Variants in MGRN1 observed in about 807,000 individuals in gnomAD.
The protein encoded by MGRN1 is mahogunin ring finger 1.
A neutral mutation model predicts 69.2 loss-of-function variants in MGRN1; 29 were observed. That is an observed-to-expected ratio of 0.42 (90% CI 0.31 to 0.57). The LOEUF is 0.57. Ranked by LOEUF, MGRN1 falls within the 20% of genes least tolerant of loss-of-function variation. MGRN1 has a pLI of 0.15. For missense variants in MGRN1, 998 were observed against 796.2 expected (o/e 1.25, Z -3.05); for synonymous variants, 470 against 344.2 (o/e 1.37, Z -4.04).
intron 5 of MGRN1, among the ~76,000 whole-genome samples, chr16:4,663,629 T>C (rs1596297334): frequency 6.6e-6 from 1 of 152,154 alleles, no homozygotes; most frequent in African/African-American, 2.4e-5. Context: ...CCCTGCCCTC[T>C]ATGGAGGGAG....
chr16:4,686,484 G>C, intron 16 of MGRN1: 1 of 1,387,650 alleles, frequency 7.2e-7, no homozygotes, highest in Non-Finnish European at 9.3e-7. Flanking sequence ...CCTTCCCCCA[G>C]AAAGTGGCCT....
At chr16:4,664,806 G>A (rs758310230) in intron 6 of MGRN1, 31 bp downstream of exon 6, 26 of 1,610,134 alleles carry the variant, frequency 1.6e-5, no homozygotes, top group Middle Eastern at 3.3e-4. Flanking sequence ...CCTCCTGGGC[G>A]TGCAGGCCGT....
In MGRN1 at chr16:4,681,747, G is replaced by C; in HGVS notation, c.1329G>C (p.Lys443Asn). The change falls in exon 13 of 17, where the codon AAG becomes AAC. Residue 443 changes from lysine (K) to asparagine (N), a missense_variant. Transcript: ENST00000262370. ...ACATCCTGGACAGCAGCCGCCAGAAGGGCAGGCCGCAGAGCAAGGCCCCCG... is the reference window on the plus strand; with the variant it reads ...ACATCCTGGACAGCAGCCGCCAGAACGGCAGGCCGCAGAGCAAGGCCCCCG... ...IDHILDSSRQKGRPQSKAPDS... is the reference protein window; with the variant it reads ...IDHILDSSRQNGRPQSKAPDS... 1 of 1,612,584 alleles carries C rather than the reference G, an allele frequency of 6.2e-7. No homozygotes were observed. Among genetic ancestry groups the C allele is most frequent in the Non-Finnish European group, 8.5e-7 (1 of 1,179,748 alleles).
chr16:4,690,378 A>T lies in MGRN1; in HGVS notation c.*1470A>T, dbSNP rs971837885. ...GGCTGCCCTGCAGCTGGGCCTGGGG[A>T]CAGGTCGGCTGTGGGGCAGCTCAGT... On this transcript the variant is annotated 3_prime_UTR_variant, in exon 17 of 17. Transcript: ENST00000262370. 9.9e-5 allele frequency: 15 copies of T among 151,782 alleles called. No individual in the cohort carries two copies. The highest frequency in any genetic ancestry group is 3.6e-4 in the African/African-American group (15 of 41,338). The allele number at this position is 151,782 out of a possible 1,614,324, so 9.4% of individuals were successfully genotyped here. A position where few individuals can be genotyped will look rare whatever the true frequency, so the allele number is the denominator to read the frequency against.
chr16:4,646,791 C>T (rs984575766), intron 1 of MGRN1, among the ~76,000 whole-genome samples: 5 of 152,204 alleles, frequency 3.3e-5, no homozygotes, highest in South Asian at 2.1e-4. Context: ...CTGCCTACAG[C>T]GGGGGCTTCT....
intron 10 of MGRN1, among the ~76,000 whole-genome samples, chr16:4,674,729 T>C (rs1403548690): frequency 8.3e-4 from 112 of 135,414 alleles, no homozygotes; most frequent in South Asian, 2.9e-3. Context: ...CAAGCTCCGC[T>C]TCCCGGGTTC....
At chr16:4,664,961 G>C in intron 6 of MGRN1, 141 bp from the exon 7 acceptor site, 1 of 1,169,966 alleles carries the variant, frequency 8.5e-7, no homozygotes, top group South Asian at 1.3e-5. Context: ...CAGGAGGGCA[G>C]GTCCCAGAAC....
chr16:4,680,079 GA>G lies in MGRN1; in HGVS notation c.1116del (p.Lys372AsnfsTer126), dbSNP rs756597420. ...KPHPASLASKKPKRETNSDSV... is the reference protein window; with the variant it reads ...KPHPASLASKXPKRETNSDSV... ...CGCACCCCGCCTCCCTGGCCAGCAA[GA>G]AACCTAAAAGGGAAACAGTAAGTGT... is the stretch of plus-strand genomic sequence containing the variant. On this transcript the variant is annotated frameshift_variant, in exon 12 of 17. Transcript: ENST00000262370. LOFTEE classifies it high-confidence loss of function. The G allele has an allele frequency of 6.2e-7, 1 of 1,614,088 alleles. No individual in the cohort carries two copies. Among genetic ancestry groups the G allele is most frequent in the Admixed American group, 1.7e-5 (1 of 60,016 alleles).
At position 4,657,332 on chromosome 16, in the gene MGRN1, A is replaced by G; in HGVS notation, c.530A>G (p.Lys177Arg). ...CAGCAGTTCTCCCTGCCCTCCTTCAAGATTGACTTCTCGGAATGGAAGGAT... is the reference window on the plus strand; with the variant it reads ...CAGCAGTTCTCCCTGCCCTCCTTCAGGATTGACTTCTCGGAATGGAAGGAT... Reference protein sequence around the residue: ...VSQQFSLPSFKIDFSEWKDDE... With the variant: ...VSQQFSLPSFRIDFSEWKDDE... Residue 177 changes from lysine to arginine, a missense_variant, in exon 5 of 17, where the codon AAG becomes AGG. Transcript: ENST00000262370. 1 of 1,614,126 alleles carries G rather than the reference A, an allele frequency of 6.2e-7. No homozygotes were observed. Among genetic ancestry groups the G allele is most frequent in the South Asian group, 1.1e-5 (1 of 91,084 alleles).
At chr16:4,659,745 G>A (rs1190410278) in intron 5 of MGRN1, among the ~76,000 whole-genome samples, 3 of 152,268 alleles carry the variant, frequency 2.0e-5, no homozygotes, top group African/African-American at 7.2e-5. Flanking sequence ...GTGGATGCAA[G>A]TGACAGAAAA....
chr16:4,681,023 G>T (rs1049727588), intron 12 of MGRN1, among the ~76,000 whole-genome samples: 3 of 152,210 alleles, frequency 2.0e-5, no homozygotes, highest in African/African-American at 7.2e-5. Flanking sequence ...TGTTGATTCT[G>T]TCTGCTCCCA....
At chr16:4,633,869 C>T (rs1213571955) in intron 1 of MGRN1, 2 of 152,008 alleles carry the variant, frequency 1.3e-5, no homozygotes, top group African/African-American at 4.8e-5. Flanking sequence ...AGGCGCCCGC[C>T]ACCGCGCCCG....
intron 9 of MGRN1, 85 bp downstream of exon 9, chr16:4,671,544 T>C: frequency 8.0e-7 from 1 of 1,255,304 alleles, no homozygotes; most frequent in Non-Finnish European, 1.2e-6. Context: ...GCCGGTTCCC[T>C]TCCATGCCTT....
At chr16:4,656,302 A>G (rs1659511) in intron 4 of MGRN1, among the ~76,000 whole-genome samples, 63,612 of 152,120 alleles carry the variant, frequency 0.42, 14,096 homozygotes, top group East Asian at 0.77. Flanking sequence ...GGTGTCCCCC[A>G]GGGGCCCTGA....
chr16:4,681,283 G>A (rs2079176786), intron 12 of MGRN1: 1 of 493,018 alleles, frequency 2.0e-6, no homozygotes, highest in Non-Finnish European at 3.6e-6. Flanking sequence ...GGCTGGTTGA[G>A]GCCAGGGCTG....
At chr16:4,667,189 C>T (rs990050597) in intron 7 of MGRN1, among the ~76,000 whole-genome samples, 1 of 152,346 alleles carries the variant, frequency 6.6e-6, no homozygotes, top group Non-Finnish European at 1.5e-5. Context: ...ACCTCCAGCC[C>T]CATGTGCAGC....
At position 4,650,400 on chromosome 16, in the gene MGRN1, G is replaced by C. The variant is rs1185795986; in HGVS notation, c.124G>C (p.Glu42Gln). 6.2e-7 allele frequency: 1 copy of C among 1,613,696 alleles called. No individual in the cohort carries two copies. Among genetic ancestry groups the C allele is most frequent in the Non-Finnish European group, 8.5e-7 (1 of 1,179,836 alleles). ...YFASHFFMGG[E>Q]KFDTPHPEGY... ...TGCTTCGCACTTTTTCATGGGAGGA[G>C]AGAAATTCGACACCCCCCACCCTGA... Residue 42 changes from glutamate to glutamine, a missense_variant, in exon 2 of 17, where the codon GAG becomes CAG. Transcript: ENST00000262370.
chr16:4,637,448 A>G (rs1425408218), intron 1 of MGRN1, among the ~76,000 whole-genome samples: 1 of 152,110 alleles, frequency 6.6e-6, no homozygotes, highest in Admixed American at 6.6e-5. Flanking sequence ...ACAAAAAAAA[A>G]ATTGAGTTAT....
intron 9 of MGRN1, among the ~76,000 whole-genome samples, chr16:4,671,953 T>C (rs944490737): frequency 9.2e-5 from 14 of 152,230 alleles, no homozygotes; most frequent in African/African-American, 3.1e-4. Context: ...CTGCTCAGGC[T>C]GTAATGCAGC....
Sources: gnomAD v4.1 joint callset for allele counts (sites outside exome capture counted in the v4.1 genomes callset) on GRCh38, gnomAD v4.1.1 for gene constraint, MANE v1.5 for transcripts, NCBI Gene and HGNC (gene_info 2026-07-23, HGNC 2026-07-21) for gene names.